The following PTPN14 variants were observed in gnomAD, a reference collection of about 807,000 sequenced individuals.
The protein encoded by PTPN14 is tyrosine-protein phosphatase non-receptor type 14.
Under a neutral mutation model 126.8 loss-of-function variants are expected in PTPN14, and 53 were observed. The ratio of observed to expected loss-of-function variants is 0.42; its 90% CI spans 0.34 to 0.53. The LOEUF (loss-of-function observed/expected upper bound fraction) is 0.53. PTPN14 is among the 20% of genes least tolerant of loss of function. The pLI, the probability that PTPN14 is intolerant of heterozygous loss-of-function variation, is 0.08. For synonymous variants in PTPN14, 630 were observed against 599.3 expected (o/e 1.05, Z -0.75); for missense variants, 1,257 against 1,552.9 (o/e 0.81, Z 3.20).
rs370701447 is a variant in PTPN14, at chr1:214,364,505, G to T, written c.3435+7C>A. The stretch of plus-strand genomic sequence containing the variant: ...GAGTATCCGGAGAGAAGCCCAGAAT[G>T]ACTCACTTCGTTATGTTCCAAGCAG... On this transcript the variant is annotated splice_region_variant and intron_variant, in intron 18 of 18. Coordinates refer to ENST00000366956, the MANE Select transcript of PTPN14 (RefSeq NM_005401.5). This position sits in a 1 kb window ranked among gnomAD's most constrained non-coding sequence, Gnocchi z 4.1. The T allele has an allele frequency of 6.2e-7, 1 of 1,613,234 alleles. No individual in the cohort carries two copies. Among genetic ancestry groups the T allele is most frequent in the Non-Finnish European group, 8.5e-7 (1 of 1,179,598 alleles).
At chr1:214,521,455 A>G (rs1057010906) in intron 1 of PTPN14, among the ~76,000 whole-genome samples, 52 of 152,160 alleles carry the variant, frequency 3.4e-4, no homozygotes, top group African/African-American at 1.2e-3. Flanking sequence ...GCTCACGCCT[A>G]TAATCCCAGC....
intron 1 of PTPN14, among the ~76,000 whole-genome samples, chr1:214,543,234 T>C (rs1655885596): frequency 1.3e-5 from 2 of 152,196 alleles, no homozygotes; most frequent in African/African-American, 4.8e-5. Flanking sequence ...CCTGAAAGGT[T>C]TATATCTTAA....
rs116285905 is a variant in PTPN14, at chr1:214,385,847, G to A, written c.1066+997C>T. Among the ~76,000 whole-genome samples, 1,424 of 152,252 alleles carry A rather than the reference G, an allele frequency of 9.4e-3. 13 individuals carry two copies. Among genetic ancestry groups the A allele is most frequent in the Non-Finnish European group, 0.014 (980 of 68,004 alleles). On this transcript the variant is annotated intron_variant, in intron 12 of 18. Transcript: ENST00000366956. Reference sequence around the variant, plus strand: ...GTGCCGCAATTTATCCACCTCCCATGGGGTTTGGCGCCTTCCCATAGAAAT... The same window carrying A: ...GTGCCGCAATTTATCCACCTCCCATAGGGTTTGGCGCCTTCCCATAGAAAT...
chr1:214,463,269 C>T (rs1310590466), intron 2 of PTPN14, among the ~76,000 whole-genome samples: 2 of 152,184 alleles, frequency 1.3e-5, no homozygotes, highest in Non-Finnish European at 2.9e-5. Context: ...TATGCCCATG[C>T]ATACATGCAA....
chr1:214,451,232 C>G (rs538754351), intron 3 of PTPN14, among the ~76,000 whole-genome samples: 16 of 152,302 alleles, frequency 1.1e-4, no homozygotes, highest in Middle Eastern at 3.4e-3. Flanking sequence ...ATGATCACGG[C>G]TCACTGCAGC....
At chr1:214,534,676 G>C (rs779166179) in intron 1 of PTPN14, among the ~76,000 whole-genome samples, 13 of 148,148 alleles carry the variant, frequency 8.8e-5, no homozygotes, top group Non-Finnish European at 1.6e-4. Flanking sequence ...CCGCGCCACT[G>C]CACTCCAGCC....
intron 1 of PTPN14, among the ~76,000 whole-genome samples, chr1:214,525,250 A>C (rs1655360156): frequency 6.6e-6 from 1 of 152,216 alleles, no homozygotes; most frequent in African/African-American, 2.4e-5. Context: ...ACTTCGGCTA[A>C]ATTCTACTAA....
chr1:214,474,714 C>G (rs1420615945), intron 1 of PTPN14, among the ~76,000 whole-genome samples: 1 of 152,184 alleles, frequency 6.6e-6, no homozygotes, highest in Non-Finnish European at 1.5e-5. Context: ...ATCTCTAACA[C>G]TTTCTGTGAA....
At chr1:214,496,872 A>G (rs1571623503) in intron 1 of PTPN14, among the ~76,000 whole-genome samples, 2 of 152,392 alleles carry the variant, frequency 1.3e-5, no homozygotes, top group South Asian at 2.1e-4. Flanking sequence ...AAGGAAAAGA[A>G]ATAAAGTTCA....
intron 1 of PTPN14, among the ~76,000 whole-genome samples, chr1:214,519,892 A>G (rs1453277655): frequency 6.6e-6 from 1 of 151,698 alleles, no homozygotes; most frequent in Non-Finnish European, 1.5e-5. Context: ...TACAAAAAAT[A>G]AAAAATTAGC....
chr1:214,436,892 G>A (rs536282761), intron 3 of PTPN14, among the ~76,000 whole-genome samples: 1 of 151,808 alleles, frequency 6.6e-6, no homozygotes, highest in East Asian at 1.9e-4. Context: ...CAAAATCATG[G>A]GTGTGCTTGT....
At chr1:214,412,533 C>T (rs183394950) in intron 4 of PTPN14, among the ~76,000 whole-genome samples, 1 of 152,276 alleles carries the variant, frequency 6.6e-6, no homozygotes, top group Admixed American at 6.5e-5. Context: ...TAACAAATTA[C>T]CAATTAGGTG....
chr1:214,439,294 G>A (rs933997530), intron 3 of PTPN14, among the ~76,000 whole-genome samples: 5 of 152,010 alleles, frequency 3.3e-5, no homozygotes, highest in African/African-American at 1.2e-4. Context: ...CCAAATTACC[G>A]ACCTTTTTCA....
At chr1:214,381,472 G>A (rs948616514) in intron 13 of PTPN14, among the ~76,000 whole-genome samples, 1 of 152,216 alleles carries the variant, frequency 6.6e-6, no homozygotes, top group Non-Finnish European at 1.5e-5. Flanking sequence ...AGAGGCAAAG[G>A]TACACCTTGC....
chr1:214,370,513 CTCTT>C (rs1372637031), intron 16 of PTPN14, among the ~76,000 whole-genome samples: 2 of 152,096 alleles, frequency 1.3e-5, no homozygotes, highest in Admixed American at 6.6e-5. Context: ...CAGCGCACAG[CTCTT>C]TCTGTTACAG....
intron 2 of PTPN14, among the ~76,000 whole-genome samples, chr1:214,457,378 G>A (rs540902270): frequency 2.0e-5 from 3 of 152,320 alleles, no homozygotes; most frequent in South Asian, 4.1e-4. Context: ...CCTTAGGAGA[G>A]AGCCGAGAGT....
At chr1:214,403,560 G>A (rs1287130201) in intron 5 of PTPN14, among the ~76,000 whole-genome samples, 2 of 152,138 alleles carry the variant, frequency 1.3e-5, no homozygotes, top group Non-Finnish European at 1.5e-5. Context: ...CAGGCCCCTG[G>A]AACCTGTGAT....
At chr1:214,443,895 C>T (rs141260923) in intron 3 of PTPN14, among the ~76,000 whole-genome samples, 4 of 152,210 alleles carry the variant, frequency 2.6e-5, no homozygotes, top group Non-Finnish European at 5.9e-5. Flanking sequence ...GCAATGTAGA[C>T]GTTAAAGACA....
At chr1:214,412,014 T>G (rs1281298903) in intron 4 of PTPN14, among the ~76,000 whole-genome samples, 2 of 152,206 alleles carry the variant, frequency 1.3e-5, no homozygotes, top group African/African-American at 4.8e-5. Context: ...TTTAAAAAAT[T>G]TTAAACAAAC....
Sources: allele counts gnomAD v4.1 joint callset (sites outside exome capture counted in the v4.1 genomes callset), GRCh38; gene constraint gnomAD v4.1.1; non-coding constraint Gnocchi (gnomAD v3.1); transcripts MANE v1.5; gene names NCBI Gene and HGNC (gene_info 2026-07-23, HGNC 2026-07-21).